Variants in AASS observed in about 807,000 individuals in gnomAD.
The protein encoded by AASS is alpha-aminoadipic semialdehyde synthase, mitochondrial.
AASS carries 86 observed loss-of-function variants against 105.4 expected under a neutral mutation model. The ratio of observed to expected loss-of-function variants is 0.82; its 90% CI spans 0.69 to 0.98. The LOEUF is 0.98. Among genes scored for constraint, AASS ranks in the 50% least tolerant of loss-of-function variants. The pLI is 0.00. For synonymous variants in AASS, 381 were observed against 394.8 expected (o/e 0.96, Z 0.41); for missense variants, 1,048 against 1,143.2 (o/e 0.92, Z 1.20).
intron 11 of AASS, among the ~76,000 whole-genome samples, chr7:122,103,722 T>G (rs1318379997): frequency 6.6e-5 from 10 of 151,922 alleles, no homozygotes; most frequent in Admixed American, 6.6e-4. Context: ...TATTAACTGG[T>G]TGCACCCAAC....
chr7:122,078,615 A>C (rs537489527), intron 22 of AASS, among the ~76,000 whole-genome samples: 2 of 152,310 alleles, frequency 1.3e-5, no homozygotes, highest in South Asian at 2.1e-4. Context: ...GTCTCAAAAA[A>C]TAACTAACTA....
At chr7:122,126,261 A>T in intron 4 of AASS, 114 bp downstream of exon 4, 3 of 912,892 alleles carry the variant, frequency 3.3e-6, no homozygotes, top group Non-Finnish European at 5.5e-6. Flanking sequence ...CCTTCATTTT[A>T]ATTTTTTCCA....
chr7:122,100,061 G>A (rs945573461), intron 13 of AASS, among the ~76,000 whole-genome samples: 5 of 151,794 alleles, frequency 3.3e-5, no homozygotes, highest in African/African-American at 7.2e-5. Context: ...TAATAATCAC[G>A]TGCTAAGTGA....
chr7:122,083,200 T>C (rs1462598486), intron 19 of AASS, among the ~76,000 whole-genome samples: 1 of 152,132 alleles, frequency 6.6e-6, no homozygotes, highest in East Asian at 1.9e-4. Flanking sequence ...GTTCAAACTG[T>C]TCAAAGGTTA....
At chr7:122,142,346 G>A (rs532071785) in intron 1 of AASS, among the ~76,000 whole-genome samples, 2 of 151,736 alleles carry the variant, frequency 1.3e-5, no homozygotes, top group South Asian at 2.1e-4. Context: ...GCACAACCAC[G>A]CCGCTAACAG....
chr7:122,121,280 T>C (rs1331945416), intron 4 of AASS, among the ~76,000 whole-genome samples: 2 of 152,220 alleles, frequency 1.3e-5, no homozygotes, highest in African/African-American at 4.8e-5. Context: ...TACAAAAGTA[T>C]GGTTCTATTC....
At chr7:122,077,629 C>T (rs898297112) in intron 23 of AASS, among the ~76,000 whole-genome samples, 5 of 152,188 alleles carry the variant, frequency 3.3e-5, no homozygotes, top group Admixed American at 2.6e-4. Context: ...TGGAACTGAG[C>T]GGAAGCGGAA....
rs1793092096 is a variant in AASS at position 122,077,731 on chromosome 7, T to C, written c.2662+107A>G. 2.1e-6 allele frequency: 3 copies of C among 1,402,432 alleles called. 1 individual carries two copies. The highest frequency in any genetic ancestry group is 3.8e-4 in the Middle Eastern group (2 of 5,252). The allele number at this position is 1,402,432 out of a possible 1,614,324, so 86.9% of individuals were successfully genotyped here. On this transcript the variant is annotated intron_variant, in intron 23 of 23. Transcript: ENST00000417368. ...TTGGATCTTCTAAGATGGTTCACTT[T>C]TAGTAAATGCCTGTGTTACGCTCAA...
In AASS at chr7:122,079,632, T is replaced by C. The variant is rs1793215409; in HGVS notation, c.2361A>G (p.Leu787=). Residue 787 remains leucine, a synonymous_variant, in exon 21 of 24, where the codon CTA becomes CTG. Coordinates refer to ENST00000417368, the MANE Select transcript of AASS (RefSeq NM_005763.4). Reference sequence around the variant, plus strand: ...CCTCCAACTGGGTATTGTCTCCTCCTAGTTTCTTAAGAACAGCTTCCTTCA... The same window carrying C: ...CCTCCAACTGGGTATTGTCTCCTCCCAGTTTCTTAAGAACAGCTTCCTTCA... ...DVLKEAVLKK[L]GGDNTQLEAA... The C allele has an allele frequency of 1.9e-6, 3 of 1,614,020 alleles. No individual in the cohort carries two copies. The highest frequency in any genetic ancestry group is 2.5e-6 in the Non-Finnish European group (3 of 1,179,898).
intron 4 of AASS, among the ~76,000 whole-genome samples, chr7:122,125,999 G>T (rs143753625): frequency 1.7e-3 from 254 of 152,248 alleles, no homozygotes; most frequent in Middle Eastern, 6.8e-3. Context: ...AAGGTTCAAA[G>T]AATTAACTGG....
chr7:122,135,720 A>G (rs1202407861), intron 1 of AASS, among the ~76,000 whole-genome samples: 1 of 152,202 alleles, frequency 6.6e-6, no homozygotes, highest in Non-Finnish European at 1.5e-5. Flanking sequence ...AGAATGATTG[A>G]AAGATATCAT....
At chr7:122,118,899 C>A (rs763308121) in intron 4 of AASS, among the ~76,000 whole-genome samples, 1 of 152,188 alleles carries the variant, frequency 6.6e-6, no homozygotes, top group African/African-American at 2.4e-5. Context: ...AATCTCTCCA[C>A]CTTGGCTCCG....
Position 122,097,402 on chromosome 7 carries a change from A to G in AASS, c.1655+1048T>C, listed in dbSNP as rs533919351. 3.9e-5 allele frequency among the ~76,000 whole-genome samples: 6 copies of G among 152,104 alleles called. No individual in the cohort carries two copies. In the East Asian group the frequency reaches 5.8e-4, roughly 15 times the overall value. On this transcript the variant is annotated intron_variant, in intron 15 of 23. Coordinates refer to ENST00000417368, the MANE Select transcript of AASS (RefSeq NM_005763.4). ...ACTTTTATTTTAGGTTCAGGGGTAC[A>G]TGTGCAGGTTTGTTATACAGGTAAA...
chr7:122,106,342 T>C (rs1485718235), intron 11 of AASS, among the ~76,000 whole-genome samples: 1 of 152,058 alleles, frequency 6.6e-6, no homozygotes, highest in African/African-American at 2.4e-5. Flanking sequence ...AAGCAATTTA[T>C]AGATTCAATG....
intron 11 of AASS, among the ~76,000 whole-genome samples, chr7:122,103,697 T>C (rs1055857084): frequency 2.0e-5 from 3 of 151,758 alleles, no homozygotes; most frequent in Non-Finnish European, 4.4e-5. Flanking sequence ...AGATGAAAAT[T>C]GTGACATCAA....
intron 6 of AASS, 46 bp from the exon 7 acceptor site, chr7:122,117,003 A>G: frequency 6.5e-7 from 1 of 1,528,496 alleles, no homozygotes; most frequent in South Asian, 1.1e-5. Context: ...ATAGAAAAAG[A>G]ACCAACATGG....
chr7:122,076,303 T>C lies in AASS; in HGVS notation c.*186A>G, dbSNP rs1280533802. On this transcript the variant is annotated 3_prime_UTR_variant, in exon 24 of 24. Transcript: ENST00000417368. ...TAGAATTATTAAAGTTCTCTGTTAG[T>C]GGCTTGCATCTCCTGTTCCAAACAT... 3.5e-6 allele frequency: 2 copies of C among 577,080 alleles called. No individual in the cohort carries two copies. Among genetic ancestry groups the C allele is most frequent in the Admixed American group, 3.1e-5 (1 of 32,686 alleles). The allele number at this position is 577,080 out of a possible 1,614,324, so 35.7% of individuals were successfully genotyped here. A position where few individuals can be genotyped will look rare whatever the true frequency, so the allele number is the denominator to read the frequency against.
chr7:122,105,580 T>C (rs1226122030), intron 11 of AASS, among the ~76,000 whole-genome samples: 1 of 151,978 alleles, frequency 6.6e-6, no homozygotes, highest in Admixed American at 6.6e-5. Flanking sequence ...AGAGAAACTT[T>C]GGAAACTACA....
chr7:122,113,727 A>G lies in AASS; in HGVS notation c.1044-7T>C. 1 of 1,612,182 alleles carries G rather than the reference A, an allele frequency of 6.2e-7. No homozygotes were observed. Among genetic ancestry groups the G allele is most frequent in the Non-Finnish European group, 8.5e-7 (1 of 1,179,854 alleles). The stretch of plus-strand genomic sequence containing the variant: ...GTCACATATTGCCACGAGTCTGAAA[A>G]TAACATCAATACTTAGATGAGAGGA... On this transcript the variant is annotated splice_polypyrimidine_tract_variant and splice_region_variant and intron_variant, in intron 9 of 23. Transcript: ENST00000417368.
Sources: gnomAD v4.1 joint callset for allele counts (sites outside exome capture counted in the v4.1 genomes callset) on GRCh38, gnomAD v4.1.1 for gene constraint, MANE v1.5 for transcripts, NCBI Gene and HGNC (gene_info 2026-07-23, HGNC 2026-07-21) for gene names.